Variants in ESRRG observed in about 807,000 individuals in gnomAD.
ESRRG encodes the protein estrogen-related receptor gamma.
Under a neutral mutation model 44.0 loss-of-function variants are expected in ESRRG, and 13 were observed. The ratio of observed to expected loss-of-function variants is 0.30; its 90% CI spans 0.19 to 0.47. The LOEUF is 0.47. Ranked by LOEUF, ESRRG falls within the 20% of genes least tolerant of loss-of-function variation. The pLI, the probability that ESRRG is intolerant of heterozygous loss-of-function variation, is 1.00. For missense variants in ESRRG, 395 were observed against 580.6 expected (o/e 0.68, Z 3.29); for synonymous variants, 215 against 214.6 (o/e 1.00, Z -0.02).
At chr1:217,097,436 C>T (rs1264704012) in intron 1 of ESRRG, among the ~76,000 whole-genome samples, 1 of 152,144 alleles carries the variant, frequency 6.6e-6, no homozygotes, top group Non-Finnish European at 1.5e-5. Flanking sequence ...ATAACACTGA[C>T]TTCATTTGAC....
At chr1:217,012,021 A>G (rs999589161) in intron 1 of ESRRG, among the ~76,000 whole-genome samples, 2 of 152,154 alleles carry the variant, frequency 1.3e-5, no homozygotes, top group Non-Finnish European at 2.9e-5. Flanking sequence ...GGTATCTGAA[A>G]TGCATGCAAT....
chr1:216,592,313 A>G (rs2057789246), intron 3 of ESRRG, among the ~76,000 whole-genome samples: 1 of 151,510 alleles, frequency 6.6e-6, no homozygotes, highest in Non-Finnish European at 1.5e-5. Context: ...TGTGGCTCAC[A>G]CTCTCTTTTC....
Position 216,773,412 on chromosome 1 carries a change from C to A in ESRRG, c.-13-95921G>T, listed in dbSNP as rs557496596. Among the ~76,000 whole-genome samples, 6 of 152,166 alleles carry A rather than the reference C, an allele frequency of 3.9e-5. No individual in the cohort carries two copies. In the East Asian group the frequency reaches 9.7e-4, roughly 25 times the overall value. ...GCCTTGATGTAGATATGGTATCTTA[C>A]TTAGGGAATTTATTTCTGCACCACT... On this transcript the variant is annotated intron_variant, in intron 2 of 7. Transcript: ENST00000359162.
intron 1 of ESRRG, among the ~76,000 whole-genome samples, chr1:217,105,465 G>T (rs929569371): frequency 6.6e-6 from 1 of 152,106 alleles, no homozygotes; most frequent in African/African-American, 2.4e-5. Context: ...GATTTGGATC[G>T]AGCTGTTCAT....
intron 1 of ESRRG, among the ~76,000 whole-genome samples, chr1:217,015,629 T>C (rs1394735042): frequency 6.6e-6 from 1 of 151,982 alleles, no homozygotes; most frequent in East Asian, 1.9e-4. Flanking sequence ...CTATACAAGA[T>C]GCAAGAGAGT....
chr1:217,036,098 C>T (rs968263760), intron 1 of ESRRG, among the ~76,000 whole-genome samples: 4 of 152,062 alleles, frequency 2.6e-5, no homozygotes, highest in Non-Finnish European at 5.9e-5. Flanking sequence ...CAAATCAGAG[C>T]CACAATGGGA....
At chr1:216,787,965 T>C (rs2094187685) in intron 2 of ESRRG, among the ~76,000 whole-genome samples, 1 of 152,108 alleles carries the variant, frequency 6.6e-6, no homozygotes, top group South Asian at 2.1e-4. Flanking sequence ...GTCTTAACTC[T>C]CTTCAATTTC....
At chr1:217,099,033 T>A (rs1241723862) in intron 1 of ESRRG, among the ~76,000 whole-genome samples, 1 of 152,208 alleles carries the variant, frequency 6.6e-6, no homozygotes, top group South Asian at 2.1e-4. Context: ...CATAATTTAC[T>A]CATTTATTTT....
chr1:217,002,762 C>A, intron 1 of ESRRG, among the ~76,000 whole-genome samples: 1 of 152,078 alleles, frequency 6.6e-6, no homozygotes. Flanking sequence ...AACCAATTTG[C>A]CAGCCATATG....
intron 2 of ESRRG, among the ~76,000 whole-genome samples, chr1:216,730,540 C>T (rs2088566576): frequency 6.6e-6 from 1 of 152,098 alleles, no homozygotes; most frequent in African/African-American, 2.4e-5. Context: ...TGGGCTGGGC[C>T]TGACAGTATG....
chr1:216,563,825 G>A (rs919843784), intron 5 of ESRRG, among the ~76,000 whole-genome samples: 1 of 152,118 alleles, frequency 6.6e-6, no homozygotes. Context: ...AACAAAACTA[G>A]TGATTCTTAG....
At chr1:217,094,119 A>C (rs776159983), upstream of ESRRG, among the ~76,000 whole-genome samples, 2 of 152,124 alleles carry the variant, frequency 1.3e-5, no homozygotes, top group Non-Finnish European at 2.9e-5. Flanking sequence ...TCCTGGCCTC[A>C]GGCAATCCTC....
intron 3 of ESRRG, among the ~76,000 whole-genome samples, chr1:216,569,122 A>G (rs1339946338): frequency 9.2e-6 from 1 of 108,952 alleles, no homozygotes; most frequent in Non-Finnish European, 2.1e-5. Context: ...GAAGGAAGGA[A>G]GGAAGGAAGG....
intron 1 of ESRRG, among the ~76,000 whole-genome samples, chr1:216,959,850 T>A (rs1441265334): frequency 2.0e-5 from 3 of 152,126 alleles, no homozygotes; most frequent in Non-Finnish European, 4.4e-5. Context: ...TATAGAGAAT[T>A]TTTTAAGTAA....
intron 3 of ESRRG, among the ~76,000 whole-genome samples, chr1:216,593,821 C>G (rs13374234): frequency 0.025 from 3,864 of 152,216 alleles, 172 homozygotes; most frequent in African/African-American, 0.089. Flanking sequence ...CTTGTTGCAG[C>G]CTCTGCCTCC....
At chr1:216,584,326 G>C (rs1025707005) in intron 3 of ESRRG, among the ~76,000 whole-genome samples, 1 of 150,022 alleles carries the variant, frequency 6.7e-6, no homozygotes, top group African/African-American at 2.5e-5. Flanking sequence ...GCGTGATCTC[G>C]GCTCACTGCA....
chr1:216,991,989 A>G (rs987736038), intron 1 of ESRRG, among the ~76,000 whole-genome samples: 1 of 152,148 alleles, frequency 6.6e-6, no homozygotes, highest in African/African-American at 2.4e-5. Flanking sequence ...CCTAACCTTT[A>G]CCAGACAGTG....
chr1:216,928,357 T>A (rs2062859643), intron 2 of ESRRG, among the ~76,000 whole-genome samples: 1 of 152,084 alleles, frequency 6.6e-6, no homozygotes, highest in African/African-American at 2.4e-5. Flanking sequence ...GCCATCCCAC[T>A]CCTCCATTTC....
intron 2 of ESRRG, among the ~76,000 whole-genome samples, chr1:216,753,042 G>A (rs2092171857): frequency 6.6e-6 from 1 of 152,002 alleles, no homozygotes; most frequent in Non-Finnish European, 1.5e-5. Flanking sequence ...ATACCAGGAT[G>A]ATGAGGATGA....
Sources: allele counts gnomAD v4.1 joint callset (sites outside exome capture counted in the v4.1 genomes callset), GRCh38; gene constraint gnomAD v4.1.1; transcripts MANE v1.5; gene names NCBI Gene and HGNC (gene_info 2026-07-23, HGNC 2026-07-21).